Variants in BAIAP2L1 observed in about 807,000 individuals in gnomAD.
BAIAP2L1 encodes the protein BAR/IMD domain containing adaptor protein 2 like 1, also known as BAR/IMD domain-containing adapter protein 2-like 1.
Under a neutral mutation model 66.3 loss-of-function variants are expected in BAIAP2L1, and 35 were observed. That is an observed-to-expected ratio of 0.53 (90% CI 0.40 to 0.70). The LOEUF is 0.70. Among genes scored for constraint, BAIAP2L1 ranks in the 30% least tolerant of loss-of-function variants. BAIAP2L1 has a pLI of 0.00. For synonymous variants in BAIAP2L1, 269 were observed against 248.7 expected, an observed-to-expected ratio of 1.08 and a Z score of -0.77; for missense variants, 622 against 656.9, an observed-to-expected ratio of 0.95 and a Z score of 0.58.
At chr7:98,368,463 C>T (rs1476093700) in intron 1 of BAIAP2L1, among the ~76,000 whole-genome samples, 4 of 151,646 alleles carry the variant, frequency 2.6e-5, no homozygotes, top group Admixed American at 2.0e-4. Context: ...GAGGCCGAGG[C>T]GGGTGGATCA....
chr7:98,327,799 T>A (rs1298510847), intron 3 of BAIAP2L1, among the ~76,000 whole-genome samples: 1 of 152,234 alleles, frequency 6.6e-6, no homozygotes, highest in African/African-American at 2.4e-5. Flanking sequence ...TATTTCTTTT[T>A]AGAGAGGAAT....
At chr7:98,325,320 A>C (rs1457073746) in intron 3 of BAIAP2L1, among the ~76,000 whole-genome samples, 1 of 151,660 alleles carries the variant, frequency 6.6e-6, no homozygotes, top group Non-Finnish European at 1.5e-5. Context: ...GTGAGCCGAG[A>C]TCAGGCCACT....
At chr7:98,331,465 C>CTTTTTTTTTT (rs34202570) in intron 3 of BAIAP2L1, among the ~76,000 whole-genome samples, 1 of 115,676 alleles carries the variant, frequency 8.6e-6, no homozygotes, top group African/African-American at 3.3e-5. Flanking sequence ...AAAGAAAAAT[C>CTTTTTTTTTT]TTTTTTTTTT....
intron 12 of BAIAP2L1, among the ~76,000 whole-genome samples, chr7:98,302,479 C>G (rs958905953): frequency 6.6e-6 from 1 of 152,238 alleles, no homozygotes; most frequent in African/African-American, 2.4e-5. Flanking sequence ...TGCCTCCTCA[C>G]TGGTGAAATG....
chr7:98,354,679 A>G (rs1435393324), intron 3 of BAIAP2L1, among the ~76,000 whole-genome samples: 1 of 152,166 alleles, frequency 6.6e-6, no homozygotes, highest in Non-Finnish European at 1.5e-5. Flanking sequence ...CGGATTTTCT[A>G]CTAGGTGAGT....
At chr7:98,384,237 G>A (rs1279991999) in intron 1 of BAIAP2L1, among the ~76,000 whole-genome samples, 1 of 151,704 alleles carries the variant, frequency 6.6e-6, no homozygotes, top group Non-Finnish European at 1.5e-5. Context: ...AAATACCAAG[G>A]CAATTCACAG....
chr7:98,355,230 G>T, intron 2 of BAIAP2L1, 102 bp from the exon 3 acceptor site: 1 of 828,996 alleles, frequency 1.2e-6, no homozygotes. Flanking sequence ...CTGGCTGCAG[G>T]AAGGTTTGGG....
At chr7:98,304,447 C>G (rs1200007797) in intron 11 of BAIAP2L1, 71 bp from the exon 12 acceptor site, 52 of 1,512,666 alleles carry the variant, frequency 3.4e-5, no homozygotes, top group Non-Finnish European at 4.7e-5. Context: ...TCCTCTGTGT[C>G]CCTGACCAAG....
Position 98,293,392 on chromosome 7 carries a change from T to G in BAIAP2L1, c.*129A>C. Reference sequence around the variant, plus strand: ...GTGAAACAGAGAAGCATGATTTGCTTAAGCAGGCGACATTAGAGTTAGGCC... The same window carrying G: ...GTGAAACAGAGAAGCATGATTTGCTGAAGCAGGCGACATTAGAGTTAGGCC... On this transcript the variant is annotated 3_prime_UTR_variant, in exon 14 of 14. Coordinates refer to ENST00000005260, the MANE Select transcript of BAIAP2L1 (RefSeq NM_018842.5). 1 of 834,134 alleles carries G rather than the reference T, an allele frequency of 1.2e-6. No homozygotes were observed. Among genetic ancestry groups the G allele is most frequent in the African/African-American group, 1.7e-5 (1 of 59,944 alleles). The allele number at this position is 834,134 out of a possible 1,614,324, so 51.7% of individuals were successfully genotyped here. A position where few individuals can be genotyped will look rare whatever the true frequency, so the allele number is the denominator to read the frequency against.
chr7:98,384,289 C>T (rs1185591800), intron 1 of BAIAP2L1, among the ~76,000 whole-genome samples: 1 of 152,014 alleles, frequency 6.6e-6, no homozygotes, highest in East Asian at 1.9e-4. Context: ...TGAAATATTA[C>T]GTTATCATTT....
chr7:98,388,930 C>T (rs1056930604), intron 1 of BAIAP2L1, among the ~76,000 whole-genome samples: 7 of 151,182 alleles, frequency 4.6e-5, no homozygotes, highest in African/African-American at 1.7e-4. Flanking sequence ...GCCATGATCA[C>T]ACCACTGCAC....
intron 3 of BAIAP2L1, among the ~76,000 whole-genome samples, chr7:98,331,971 C>T (rs7787850): frequency 6.6e-6 from 1 of 152,142 alleles, no homozygotes; most frequent in African/African-American, 2.4e-5. Flanking sequence ...TAAAGACATT[C>T]TCAGACAAAC....
chr7:98,320,405 G>T, intron 3 of BAIAP2L1, 107 bp from the exon 4 acceptor site: 1 of 806,104 alleles, frequency 1.2e-6, no homozygotes, highest in Non-Finnish European at 2.0e-6. Context: ...GCACGATCTT[G>T]GCCCGCTGCA....
chr7:98,384,817 G>C (rs1238321380), intron 1 of BAIAP2L1, among the ~76,000 whole-genome samples: 1 of 149,814 alleles, frequency 6.7e-6, no homozygotes, highest in Non-Finnish European at 1.5e-5. Flanking sequence ...TCCTGCCTCA[G>C]CCTCCCAAGT....
rs1040552439 is a variant in BAIAP2L1, at chr7:98,307,724, A to G, written c.1128T>C (p.Asp376=). 5 of 1,614,120 alleles carry G rather than the reference A, an allele frequency of 3.1e-6. No individual in the cohort carries two copies. In the African/African-American group the frequency reaches 5.3e-5, roughly 17 times the overall value. ...VITLLIPEEK[D]GWLYGEHDVS... is the part of the protein sequence containing the mutation. Reference sequence around the variant, plus strand: ...CGTCGTGTTCTCCATAGAGCCAGCCATCCTTCTCCTCGGGGATGAGCAGCG... The same window carrying G: ...CGTCGTGTTCTCCATAGAGCCAGCCGTCCTTCTCCTCGGGGATGAGCAGCG... Residue 376 remains aspartate (D), a synonymous_variant, in exon 10 of 14, where the codon GAT becomes GAC. Transcript: ENST00000005260.
At chr7:98,371,786 T>C (rs1802515022) in intron 1 of BAIAP2L1, among the ~76,000 whole-genome samples, 2 of 150,776 alleles carry the variant, frequency 1.3e-5, no homozygotes, top group Admixed American at 1.3e-4. Flanking sequence ...AATTAGTTTC[T>C]CTTTTAGTTT....
chr7:98,393,896 G>C (rs975091737), intron 1 of BAIAP2L1, among the ~76,000 whole-genome samples: 14 of 148,260 alleles, frequency 9.4e-5, no homozygotes, highest in African/African-American at 3.0e-4. Flanking sequence ...CTGAAGTCGG[G>C]AGTTCGAGAC....
intron 2 of BAIAP2L1, among the ~76,000 whole-genome samples, chr7:98,359,684 C>T (rs933106107): frequency 6.6e-6 from 1 of 151,966 alleles, no homozygotes; most frequent in African/African-American, 2.4e-5. Context: ...CAACCCACAC[C>T]ACTCAAATTC....
intron 1 of BAIAP2L1, chr7:98,386,429 G>T: frequency 7.5e-6 from 12 of 1,596,018 alleles, no homozygotes; most frequent in Non-Finnish European, 1.0e-5. Flanking sequence ...TGGTTCCTTG[G>T]GTCCTGGTGA....
Sources: gnomAD v4.1 joint callset for allele counts (sites outside exome capture counted in the v4.1 genomes callset) on GRCh38, gnomAD v4.1.1 for gene constraint, MANE v1.5 for transcripts, NCBI Gene and HGNC (gene_info 2026-07-23, HGNC 2026-07-21) for gene names.